Variants in KCNQ1 observed in about 807,000 individuals in gnomAD.
KCNQ1 encodes the protein potassium voltage-gated channel subfamily Q member 1, also known as potassium voltage-gated channel subfamily KQT member 1.
In KCNQ1, 49 loss-of-function variants were observed where a neutral mutation model predicts 72.4. The ratio of observed to expected loss-of-function variants is 0.68; its 90% CI spans 0.54 to 0.86. The LOEUF is 0.86. KCNQ1 is among the 40% of genes least tolerant of loss of function. The probability of loss-of-function intolerance (pLI) is 0.00; values close to 1 mark genes in which losing one functional copy is unlikely to be tolerated. For missense variants in KCNQ1, 790 were observed against 945.1 expected (o/e 0.84, Z 2.15); for synonymous variants, 450 against 412.6 (o/e 1.09, Z -1.10).
intron 11 of KCNQ1, chr11:2,699,964 G>C (rs1297149523): frequency 2.5e-6 from 1 of 398,248 alleles, no homozygotes; most frequent in Non-Finnish European, 4.4e-6. Context: ...CTCCCTGGAG[G>C]TCCGTGCTGA....
rs747272231 is a variant in KCNQ1, at chr11:2,528,063, G to A, written c.477+45G>A. On this transcript the variant is annotated intron_variant, in intron 2 of 15. Transcript: ENST00000155840. ...ATGGCTGGATGTCATGGCTGCCTTG[G>A]AAGCTGGCATCTCCCTGGCGCTGGG... is the stretch of plus-strand genomic sequence containing the variant. 71 of 1,511,136 alleles carry A rather than the reference G, an allele frequency of 4.7e-5. No homozygotes were observed. The East Asian group carries it at 1.6e-3, about 34-fold the overall frequency. The allele number at this position is 1,511,136 out of a possible 1,614,324, so 93.6% of individuals were successfully genotyped here. A position where few individuals can be genotyped will look rare whatever the true frequency, so the allele number is the denominator to read the frequency against.
chr11:2,777,065 C>T (rs1846721125), intron 14 of KCNQ1, 33 bp downstream of exon 14: 1 of 1,610,270 alleles, frequency 6.2e-7, no homozygotes. Context: ...CTGGGCCCAG[C>T]AGCCTGCAAT....
Position 2,626,206 on chromosome 11 carries a change from T to C in KCNQ1, c.1394-35755T>C. On this transcript the variant is annotated intron_variant, in intron 10 of 15. Transcript: ENST00000155840. The surrounding 1 kb of genome is among the most constrained non-coding windows in gnomAD (Gnocchi z 4.0). ...TTCATAGTTTTAGGACTTTGACCCA[T>C]TTTGAGTAAGTTTTTGTACACAGTG... is the stretch of plus-strand genomic sequence containing the variant. The C allele has an allele frequency of 2.5e-6, 1 of 398,582 alleles. No homozygotes were observed. Among genetic ancestry groups the C allele is most frequent in the East Asian group, 3.6e-5 (1 of 28,062 alleles). The allele number at this position is 398,582 out of a possible 1,614,324, so 24.7% of individuals were successfully genotyped here. A position where few individuals can be genotyped will look rare whatever the true frequency, so the allele number is the denominator to read the frequency against.
Position 2,620,271 on chromosome 11 carries a change from C to T in KCNQ1, c.1393+31417C>T, listed in dbSNP as rs1284473352. 2 of 223,050 alleles carry T rather than the reference C, an allele frequency of 9.0e-6. No homozygotes were observed. Among genetic ancestry groups the T allele is most frequent in the Non-Finnish European group, 1.7e-5 (2 of 118,524 alleles). The allele number at this position is 223,050 out of a possible 1,614,324, so 13.8% of individuals were successfully genotyped here. ...CGCTCTTGTTGCCCAGGCTGGAGGG[C>T]AATGGCATGATCTCGGCTCACTGCA... On this transcript the variant is annotated intron_variant, in intron 10 of 15. Transcript: ENST00000155840. This position sits in a 1 kb window ranked among gnomAD's most constrained non-coding sequence, Gnocchi z 4.5.
chr11:2,631,837 T>C (rs1376513050), intron 10 of KCNQ1: 4 of 398,430 alleles, frequency 1.0e-5, no homozygotes, highest in Admixed American at 8.8e-5. Context: ...GTCGTGTAAA[T>C]AGAGTTGTGT....
At chr11:2,618,811 G>A (rs1172552130) in intron 10 of KCNQ1, 2 of 398,184 alleles carry the variant, frequency 5.0e-6, no homozygotes, top group Non-Finnish European at 8.9e-6. Flanking sequence ...AGATTCATGA[G>A]CATGGGATAT....
In KCNQ1 at chr11:2,748,542, G is replaced by C. The variant is rs1846173738; in HGVS notation, c.1515-20302G>C. 1.3e-5 allele frequency among the ~76,000 whole-genome samples: 2 copies of C among 152,210 alleles called. No homozygotes were observed. The highest frequency in any genetic ancestry group is 4.1e-4 in the South Asian group (2 of 4,832). ...GCTGGGCGTCCACGTGGAGGTGTGG[G>C]GCCCGGGTGGGACAAGCCTGGCAAC... On this transcript the variant is annotated intron_variant, in intron 11 of 15. Coordinates refer to ENST00000155840, the MANE Select transcript of KCNQ1 (RefSeq NM_000218.3). This position sits in a 1 kb window ranked among gnomAD's most constrained non-coding sequence, Gnocchi z 6.2.
At position 2,507,132 on chromosome 11, in the gene KCNQ1, G is replaced by A. The variant is rs1050922308; in HGVS notation, c.387-20796G>A. On this transcript the variant is annotated intron_variant, in intron 1 of 15. Coordinates refer to ENST00000155840, the MANE Select transcript of KCNQ1 (RefSeq NM_000218.3). This position sits in a 1 kb window ranked among gnomAD's most constrained non-coding sequence, Gnocchi z 5.4. ...ACAGTTGAGAGCTTTTTCCTCCACC[G>A]AGGTTAAGGGGAATCCACTGTGTTT... Among the ~76,000 whole-genome samples the A allele has an allele frequency of 2.6e-5, 4 of 152,194 alleles. No individual in the cohort carries two copies. The highest frequency in any genetic ancestry group is 4.4e-5 in the Non-Finnish European group (3 of 68,030).
chr11:2,594,465 C>T (rs1212107595), intron 10 of KCNQ1, among the ~76,000 whole-genome samples: 1 of 152,192 alleles, frequency 6.6e-6, no homozygotes, highest in Non-Finnish European at 1.5e-5. Flanking sequence ...TGTCTTTCAT[C>T]AACCGTGGAA....
At chr11:2,577,609 T>C (rs1342962001) in intron 6 of KCNQ1, among the ~76,000 whole-genome samples, 1 of 152,222 alleles carries the variant, frequency 6.6e-6, no homozygotes, top group African/African-American at 2.4e-5. Flanking sequence ...TACTTTCTCC[T>C]GCTGAAAGGA....
intron 15 of KCNQ1, among the ~76,000 whole-genome samples, chr11:2,836,731 C>T (rs117517564): frequency 4.8e-3 from 737 of 152,350 alleles, no homozygotes; most frequent in African/African-American, 6.6e-3. Flanking sequence ...TGTCACATCA[C>T]GCCTCGCCTC....
At chr11:2,461,236 GA>G (rs1209989971) in intron 1 of KCNQ1, among the ~76,000 whole-genome samples, 10 of 152,062 alleles carry the variant, frequency 6.6e-5, no homozygotes, top group Admixed American at 5.9e-4. Context: ...AGGGCTGTTT[GA>G]AGGCCTGTGG....
At chr11:2,684,713 C>T (rs1250174779) in intron 11 of KCNQ1, 4 of 398,504 alleles carry the variant, frequency 1.0e-5, no homozygotes, top group Non-Finnish European at 1.8e-5. Flanking sequence ...GGCGGAGGGG[C>T]CTGGAGAGAA....
intron 2 of KCNQ1, among the ~76,000 whole-genome samples, chr11:2,569,872 A>T (rs1258034674): frequency 6.6e-6 from 1 of 152,116 alleles, no homozygotes; most frequent in South Asian, 2.1e-4. Flanking sequence ...AGGGGGTGGG[A>T]TCCAGCTCCG....
Position 2,464,414 on chromosome 11 carries a change from T to G in KCNQ1, c.386+18930T>G, listed in dbSNP as rs778033642. Among the ~76,000 whole-genome samples the G allele has an allele frequency of 7.9e-5, 12 of 152,354 alleles. No homozygotes were observed. Among genetic ancestry groups the G allele is most frequent in the Middle Eastern group, 3.4e-3 (1 of 294 alleles). ...GCTGGTAAGAGGATTCTGGAGTCCC[T>G]GGAGTGTCTTCTGGCATCGCATGGA... On this transcript the variant is annotated intron_variant, in intron 1 of 15. Coordinates refer to ENST00000155840, the MANE Select transcript of KCNQ1 (RefSeq NM_000218.3). The surrounding 1 kb of genome is among the most constrained non-coding windows in gnomAD (Gnocchi z 5.0).
rs1017757463 is a variant in KCNQ1 at position 2,818,340 on chromosome 11, G to C, written c.1795-29427G>C. Reference sequence around the variant, plus strand: ...AGCCCTGGCTTGAGCATGTACACAGGCTGCAGCCCGTGTTCCTGGAGCCAC... The same window carrying C: ...AGCCCTGGCTTGAGCATGTACACAGCCTGCAGCCCGTGTTCCTGGAGCCAC... On this transcript the variant is annotated intron_variant, in intron 15 of 15. Coordinates refer to ENST00000155840, the MANE Select transcript of KCNQ1 (RefSeq NM_000218.3). This position sits in a 1 kb window ranked among gnomAD's most constrained non-coding sequence, Gnocchi z 7.2. Among the ~76,000 whole-genome samples, 8 of 152,210 alleles carry C rather than the reference G, an allele frequency of 5.3e-5. No individual in the cohort carries two copies. Among genetic ancestry groups the C allele is most frequent in the African/African-American group, 1.7e-4 (7 of 41,444 alleles).
Position 2,483,457 on chromosome 11 carries a change from C to A in KCNQ1, c.386+37973C>A, listed in dbSNP as rs1846686237. ...CATTACCGTGAACTCAACTGCAGATCTGATTCAAATCCCGCGTTTTTCTAG... is the reference window on the plus strand; with the variant it reads ...CATTACCGTGAACTCAACTGCAGATATGATTCAAATCCCGCGTTTTTCTAG... On this transcript the variant is annotated intron_variant, in intron 1 of 15. Coordinates refer to ENST00000155840, the MANE Select transcript of KCNQ1 (RefSeq NM_000218.3). The surrounding 1 kb of genome is among the most constrained non-coding windows in gnomAD (Gnocchi z 6.1). 6.6e-6 allele frequency among the ~76,000 whole-genome samples: 1 copy of A among 152,096 alleles called. No individual in the cohort carries two copies. Among genetic ancestry groups the A allele is most frequent in the Non-Finnish European group, 1.5e-5 (1 of 68,010 alleles).
At chr11:2,743,955 C>A (rs573915265) in intron 11 of KCNQ1, among the ~76,000 whole-genome samples, 1 of 152,320 alleles carries the variant, frequency 6.6e-6, no homozygotes, top group African/African-American at 2.4e-5. Context: ...GGCCTGCAGA[C>A]CTGCTCCTGC....
rs890814448 is a variant in KCNQ1, at chr11:2,808,815, G to A, written c.1794+30778G>A. The stretch of plus-strand genomic sequence containing the variant: ...AGAAAAAGGATGGTTAGATACATGG[G>A]CAGATTAATGGATGGACAGATTGTT... On this transcript the variant is annotated intron_variant, in intron 15 of 15. Coordinates refer to ENST00000155840, the MANE Select transcript of KCNQ1 (RefSeq NM_000218.3). The surrounding 1 kb of genome is among the most constrained non-coding windows in gnomAD (Gnocchi z 6.0). 1.3e-5 allele frequency among the ~76,000 whole-genome samples: 2 copies of A among 152,130 alleles called. No individual in the cohort carries two copies. The highest frequency in any genetic ancestry group is 4.8e-5 in the African/African-American group (2 of 41,404).
Sources: allele counts gnomAD v4.1 joint callset (sites outside exome capture counted in the v4.1 genomes callset), GRCh38; gene constraint gnomAD v4.1.1; non-coding constraint Gnocchi (gnomAD v3.1); transcripts MANE v1.5; gene names NCBI Gene and HGNC (gene_info 2026-07-23, HGNC 2026-07-21).